Variants in PREX2 observed in about 807,000 individuals in gnomAD.
PREX2 encodes phosphatidylinositol 3,4,5-trisphosphate-dependent Rac exchanger 2 protein.
Under a neutral mutation model 203.2 loss-of-function variants are expected in PREX2, and 107 were observed. The ratio of observed to expected loss-of-function variants is 0.53; its 90% CI spans 0.45 to 0.62. The LOEUF (loss-of-function observed/expected upper bound fraction) is 0.62. PREX2 is among the 20% of genes least tolerant of loss of function. PREX2 has a pLI of 0.00. For missense variants in PREX2, 1,777 were observed against 1,955.9 expected, an observed-to-expected ratio of 0.91 and a Z score of 1.72; for synonymous variants, 672 against 663.6, an observed-to-expected ratio of 1.01 and a Z score of -0.19.
Position 68,069,893 on chromosome 8 carries a change from G to T in PREX2, c.1493+9G>T. The T allele has an allele frequency of 6.7e-7, 1 of 1,491,944 alleles. No homozygotes were observed. Among genetic ancestry groups the T allele is most frequent in the African/African-American group, 1.4e-5 (1 of 72,106 alleles). The allele number at this position is 1,491,944 out of a possible 1,614,324, so 92.4% of individuals were successfully genotyped here. ...TTTACTCCAGTGATAAGGTGAGTCT[G>T]GTTTTTAAGTTCTGGGAAACTTAAA... On this transcript the variant is annotated intron_variant, in intron 13 of 39. Coordinates refer to ENST00000288368, the MANE Select transcript of PREX2 (RefSeq NM_024870.4).
intron 25 of PREX2, 99 bp from the exon 26 acceptor site, chr8:68,115,654 T>G: frequency 1.4e-6 from 1 of 737,470 alleles, no homozygotes; most frequent in Non-Finnish European, 2.1e-6. Flanking sequence ...ATTGAAGCAC[T>G]CTAGAAATAT....
In PREX2 at chr8:68,144,539, AT is replaced by A. The variant is rs1272397442; in HGVS notation, c.4088-1669del. Reference sequence around the variant, plus strand: ...AATTGACTTTTTTATATTAACCTGTATCCTGAAACCTAGCTATAATTGCTTA... The same window carrying A: ...AATTGACTTTTTTATATTAACCTGTACCTGAAACCTAGCTATAATTGCTTA... On this transcript the variant is annotated intron_variant, in intron 33 of 39. Transcript: ENST00000288368. 2.0e-5 allele frequency among the ~76,000 whole-genome samples: 3 copies of A among 152,256 alleles called. No individual in the cohort carries two copies. In the East Asian group the frequency reaches 5.8e-4, roughly 29 times the overall value.
intron 25 of PREX2, among the ~76,000 whole-genome samples, chr8:68,114,879 T>A (rs1331028008): frequency 6.6e-6 from 1 of 152,110 alleles, no homozygotes. Context: ...AAGGCATAGA[T>A]AGAGGGTAGG....
At chr8:68,142,758 A>T (rs1811252706) in intron 33 of PREX2, among the ~76,000 whole-genome samples, 1 of 152,218 alleles carries the variant, frequency 6.6e-6, no homozygotes. Context: ...ACAAAGGCAT[A>T]AATGGGCAAT....
intron 35 of PREX2, among the ~76,000 whole-genome samples, chr8:68,170,141 A>G (rs1251317956): frequency 6.6e-6 from 1 of 152,188 alleles, no homozygotes; most frequent in Non-Finnish European, 1.5e-5. Context: ...TAAGCTTGTC[A>G]TGTTTGAGGA....
chr8:68,056,796 G>C (rs907284396), intron 10 of PREX2, among the ~76,000 whole-genome samples: 1 of 152,290 alleles, frequency 6.6e-6, no homozygotes, highest in South Asian at 2.1e-4. Context: ...GTAGACTGGA[G>C]TCATAGTTTA....
At chr8:68,173,791 A>T (rs747713594) in intron 35 of PREX2, among the ~76,000 whole-genome samples, 5 of 152,180 alleles carry the variant, frequency 3.3e-5, no homozygotes, top group Non-Finnish European at 7.4e-5. Context: ...CTTTGAAGAG[A>T]ACCTCCTCTG....
At chr8:68,146,484 T>G in intron 34 of PREX2, 132 bp downstream of exon 34, 1 of 785,352 alleles carries the variant, frequency 1.3e-6, no homozygotes, top group South Asian at 2.0e-5. Flanking sequence ...TATATTTGCT[T>G]CTGGGAATGT....
intron 31 of PREX2, among the ~76,000 whole-genome samples, chr8:68,132,714 A>G (rs1811031797): frequency 6.6e-6 from 1 of 152,182 alleles, no homozygotes; most frequent in South Asian, 2.1e-4. Context: ...ACTAATATTG[A>G]CAATGCTTCT....
intron 21 of PREX2, among the ~76,000 whole-genome samples, chr8:68,095,858 G>A (rs951414958): frequency 2.0e-5 from 3 of 151,972 alleles, no homozygotes; most frequent in African/African-American, 7.3e-5. Flanking sequence ...GCCCAGGCTG[G>A]TTTCAAACTC....
intron 1 of PREX2, among the ~76,000 whole-genome samples, chr8:67,987,014 A>G (rs11985189): frequency 0.4 from 60,081 of 151,552 alleles, 12,218 homozygotes; most frequent in East Asian, 0.6. Context: ...TTAGCCGGGC[A>G]CGGTGTCAGG....
intron 22 of PREX2, 121 bp from the exon 23 acceptor site, chr8:68,099,561 T>G: frequency 3.2e-6 from 3 of 939,916 alleles, no homozygotes; most frequent in Non-Finnish European, 4.8e-6. Context: ...TATTGTTAAC[T>G]TAATGAAAAT....
At chr8:68,004,230 T>C (rs1563495236) in intron 1 of PREX2, among the ~76,000 whole-genome samples, 1 of 152,296 alleles carries the variant, frequency 6.6e-6, no homozygotes, top group East Asian at 1.9e-4. Context: ...AGTTTCTCCA[T>C]TACCAAAATG....
At chr8:67,953,813 G>C (rs1016274449) in intron 1 of PREX2, among the ~76,000 whole-genome samples, 6 of 152,210 alleles carry the variant, frequency 3.9e-5, no homozygotes, top group African/African-American at 1.4e-4. Flanking sequence ...CCTGGTAACT[G>C]GTGGTTTATA....
intron 33 of PREX2, among the ~76,000 whole-genome samples, chr8:68,140,342 A>G (rs752300816): frequency 6.6e-6 from 1 of 152,228 alleles, no homozygotes; most frequent in Non-Finnish European, 1.5e-5. Flanking sequence ...GCTGGTTCCA[A>G]TGCTGCACTA....
chr8:68,224,166 G>A (rs1380722104), intron 38 of PREX2, among the ~76,000 whole-genome samples: 2 of 151,822 alleles, frequency 1.3e-5, no homozygotes, highest in Non-Finnish European at 2.9e-5. Context: ...CCACAATTGC[G>A]TGCCACCATG....
intron 31 of PREX2, among the ~76,000 whole-genome samples, chr8:68,128,557 A>C (rs555344050): frequency 6.6e-6 from 1 of 152,220 alleles, no homozygotes; most frequent in South Asian, 2.1e-4. Context: ...CCTTGCTCAC[A>C]TATGTAACAT....
At chr8:68,192,184 A>G (rs572362772) in intron 36 of PREX2, 151 bp from the exon 37 acceptor site, 69 of 608,038 alleles carry the variant, frequency 1.1e-4, no homozygotes, top group Non-Finnish European at 1.9e-4. Context: ...TGTCAGAGAC[A>G]TATGAGTAAT....
chr8:68,042,961 T>G (rs1452867138), intron 7 of PREX2, among the ~76,000 whole-genome samples: 1 of 152,158 alleles, frequency 6.6e-6, no homozygotes, highest in Middle Eastern at 3.2e-3. Flanking sequence ...TTATTTTGCC[T>G]GTGACTAAAA....
Sources: gnomAD v4.1 joint callset for allele counts (sites outside exome capture counted in the v4.1 genomes callset) on GRCh38, gnomAD v4.1.1 for gene constraint, MANE v1.5 for transcripts, NCBI Gene and HGNC (gene_info 2026-07-23, HGNC 2026-07-21) for gene names.